CDKAL1: variants seen among roughly 807,000 people sequenced by gnomAD.
The protein encoded by CDKAL1 is threonylcarbamoyladenosine tRNA methylthiotransferase.
A neutral mutation model predicts 68.2 loss-of-function variants in CDKAL1; 32 were observed. The observed-to-expected ratio is 0.47, with a 90% CI of 0.35 to 0.63. The LOEUF is 0.63. CDKAL1 is among the 30% of genes least tolerant of loss of function. The pLI is 0.00. For missense variants in CDKAL1, 606 were observed against 696.7 expected (o/e 0.87, Z 1.47); for synonymous variants, 234 against 244.3 (o/e 0.96, Z 0.39).
At chr6:20,662,001 C>G (rs149348202) in intron 5 of CDKAL1, among the ~76,000 whole-genome samples, 22 of 152,232 alleles carry the variant, frequency 1.4e-4, no homozygotes, top group Non-Finnish European at 2.8e-4. Flanking sequence ...TAAGTCTGTT[C>G]TTTCAGCCAA....
chr6:20,944,173 A>G (rs1263434733), intron 9 of CDKAL1, among the ~76,000 whole-genome samples: 1 of 152,234 alleles, frequency 6.6e-6, no homozygotes, highest in Non-Finnish European at 1.5e-5. Context: ...CCAGATAGTA[A>G]TATGGGAACT....
intron 7 of CDKAL1, among the ~76,000 whole-genome samples, chr6:20,758,891 T>C (rs2820002): frequency 6.6e-6 from 1 of 152,262 alleles, no homozygotes; most frequent in East Asian, 1.9e-4. Context: ...CCCCAGCAGT[T>C]GGGGCTGGGG....
At chr6:20,941,044 G>A (rs910950154) in intron 9 of CDKAL1, among the ~76,000 whole-genome samples, 1 of 150,886 alleles carries the variant, frequency 6.6e-6, no homozygotes, top group African/African-American at 2.4e-5. Flanking sequence ...CCAAGAATGC[G>A]CCACTGCACT....
intron 6 of CDKAL1, chr6:20,756,861 T>TTTCTTCCTTCCTTCTC (rs1774207957): frequency 2.5e-5 from 1 of 39,664 alleles, no homozygotes; most frequent in African/African-American, 1.2e-4. Context: ...CTCCCCTTCC[T>TTTCTTCCTTCCTTCTC]TCCTTCCTTC....
At chr6:21,143,554 T>A (rs1450448047) in intron 13 of CDKAL1, among the ~76,000 whole-genome samples, 1 of 152,224 alleles carries the variant, frequency 6.6e-6, no homozygotes, top group Non-Finnish European at 1.5e-5. Flanking sequence ...GATATTTTAT[T>A]TTCTTAATTT....
chr6:20,585,658 C>G (rs918542821), intron 4 of CDKAL1, among the ~76,000 whole-genome samples: 2 of 152,164 alleles, frequency 1.3e-5, no homozygotes, highest in Non-Finnish European at 2.9e-5. Flanking sequence ...AATACTGTGG[C>G]CTTCTGGACA....
intron 5 of CDKAL1, among the ~76,000 whole-genome samples, chr6:20,736,157 T>G (rs1367253507): frequency 6.6e-6 from 1 of 151,956 alleles, no homozygotes; most frequent in Non-Finnish European, 1.5e-5. Context: ...TTTCTTAAGC[T>G]GTGGATTAGC....
rs529034075 is a variant in CDKAL1, at chr6:20,706,864, A to G, written c.372-32655A>G. 1.8e-3 allele frequency among the ~76,000 whole-genome samples: 271 copies of G among 152,220 alleles called. 1 individual carries two copies. The highest frequency in any genetic ancestry group is 6.3e-3 in the African/African-American group (263 of 41,532). On this transcript the variant is annotated intron_variant, in intron 5 of 15. Coordinates refer to ENST00000274695, the MANE Select transcript of CDKAL1 (RefSeq NM_017774.3). ...AAAGTTTGAGCCATCTGTTACTTAA[A>G]AAAAAAATTACCCCAGTGTACCACC...
At chr6:21,039,740 A>G (rs777478237) in intron 11 of CDKAL1, among the ~76,000 whole-genome samples, 1 of 152,232 alleles carries the variant, frequency 6.6e-6, no homozygotes, top group East Asian at 1.9e-4. Context: ...GAATCACTCA[A>G]ATTTTTTTTT....
At chr6:21,112,358 A>G (rs1002377211) in intron 13 of CDKAL1, among the ~76,000 whole-genome samples, 24 of 152,238 alleles carry the variant, frequency 1.6e-4, no homozygotes, top group Admixed American at 5.2e-4. Context: ...AAAAAGTTCT[A>G]TTTACATCTA....
At chr6:21,097,764 C>T (rs915791733) in intron 12 of CDKAL1, among the ~76,000 whole-genome samples, 1 of 152,116 alleles carries the variant, frequency 6.6e-6, no homozygotes, top group African/African-American at 2.4e-5. Flanking sequence ...AAATTCATGC[C>T]TCGAATATAA....
chr6:20,849,595 A>G (rs1005727904), intron 9 of CDKAL1, among the ~76,000 whole-genome samples: 1 of 152,098 alleles, frequency 6.6e-6, no homozygotes, highest in Non-Finnish European at 1.5e-5. Context: ...AAAAAAAAAA[A>G]AAAAAACATT....
At chr6:20,815,731 G>C (rs1283363895) in intron 8 of CDKAL1, among the ~76,000 whole-genome samples, 3 of 151,950 alleles carry the variant, frequency 2.0e-5, no homozygotes, top group Admixed American at 6.6e-5. Flanking sequence ...ATAAAAATCA[G>C]CTAGTCTACC....
chr6:20,740,925 T>C (rs1773427983), intron 6 of CDKAL1, among the ~76,000 whole-genome samples: 1 of 152,190 alleles, frequency 6.6e-6, no homozygotes, highest in African/African-American at 2.4e-5. Context: ...ATAATCCTGC[T>C]GTGGTAGGGA....
At chr6:20,716,686 A>T (rs1218451284) in intron 5 of CDKAL1, among the ~76,000 whole-genome samples, 1 of 151,270 alleles carries the variant, frequency 6.6e-6, no homozygotes, top group Non-Finnish European at 1.5e-5. Flanking sequence ...TTGGGGTGGG[A>T]TGGGTGTGGG....
At chr6:21,162,000 A>G (rs951995964) in intron 13 of CDKAL1, among the ~76,000 whole-genome samples, 1 of 152,212 alleles carries the variant, frequency 6.6e-6, no homozygotes, top group Non-Finnish European at 1.5e-5. Flanking sequence ...GGAGGCTTTT[A>G]ATAAGTAATA....
At chr6:20,885,999 G>A (rs6926335) in intron 9 of CDKAL1, among the ~76,000 whole-genome samples, 1 of 151,866 alleles carries the variant, frequency 6.6e-6, no homozygotes, top group Non-Finnish European at 1.5e-5. Flanking sequence ...ATCATGCCAC[G>A]ACACTCCAGC....
chr6:20,796,952 G>T (rs535378589), intron 8 of CDKAL1, among the ~76,000 whole-genome samples: 2 of 152,210 alleles, frequency 1.3e-5, no homozygotes, highest in South Asian at 4.2e-4. Context: ...ATAGGAGAAG[G>T]TTTCTATATT....
rs1581743263 is a variant in CDKAL1 at position 20,875,427 on chromosome 6, C to G, written c.742+29249C>G. ...TACATATGACTTGATCATTCTGTAT[C>G]TTTGTAGACCTTTGAATTGATAAAA... On this transcript the variant is annotated intron_variant, in intron 9 of 15. Coordinates refer to ENST00000274695, the MANE Select transcript of CDKAL1 (RefSeq NM_017774.3). 3.3e-5 allele frequency among the ~76,000 whole-genome samples: 5 copies of G among 150,102 alleles called. No homozygotes were observed. In the East Asian group the frequency reaches 9.9e-4, roughly 30 times the overall value.
Sources: gnomAD v4.1 joint callset for allele counts (sites outside exome capture counted in the v4.1 genomes callset) on GRCh38, gnomAD v4.1.1 for gene constraint, MANE v1.5 for transcripts, NCBI Gene and HGNC (gene_info 2026-07-23, HGNC 2026-07-21) for gene names.